Variants in ZFPM2 observed in about 807,000 individuals in gnomAD.
ZFPM2 encodes zinc finger protein, FOG family member 2.
Under a neutral mutation model 98.6 loss-of-function variants are expected in ZFPM2, and 20 were observed. The observed-to-expected ratio is 0.20, with a 90% CI of 0.14 to 0.29. The LOEUF is 0.29. Ranked by LOEUF, ZFPM2 falls within the 10% of genes least tolerant of loss-of-function variation. The pLI is 1.00. For synonymous variants in ZFPM2, 518 were observed against 502.7 expected (o/e 1.03, Z -0.41); for missense variants, 1,310 against 1,388.6 (o/e 0.94, Z 0.90).
At chr8:105,438,066 T>C (rs915266648) in intron 2 of ZFPM2, among the ~76,000 whole-genome samples, 2 of 152,016 alleles carry the variant, frequency 1.3e-5, no homozygotes, top group Non-Finnish European at 2.9e-5. Context: ...ATAATAAAAA[T>C]AAAAAATAAA....
At chr8:105,530,128 A>G (rs551439400) in intron 3 of ZFPM2, among the ~76,000 whole-genome samples, 54 of 152,310 alleles carry the variant, frequency 3.5e-4, no homozygotes, top group African/African-American at 1.2e-3. Flanking sequence ...CAAATGTACT[A>G]TAATTCACAA....
intron 5 of ZFPM2, among the ~76,000 whole-genome samples, chr8:105,785,852 C>T (rs372386525): frequency 2.6e-5 from 4 of 152,018 alleles, no homozygotes; most frequent in African/African-American, 9.7e-5. Flanking sequence ...ACCATCCTGG[C>T]TAACACGGTG....
chr8:105,659,322 T>C (rs1433840505), intron 5 of ZFPM2, among the ~76,000 whole-genome samples: 1 of 152,200 alleles, frequency 6.6e-6, no homozygotes, highest in African/African-American at 2.4e-5. Flanking sequence ...AGCAATTGGC[T>C]GTTATGCCCT....
At chr8:105,511,553 G>T (rs1204322664) in intron 3 of ZFPM2, among the ~76,000 whole-genome samples, 1 of 152,126 alleles carries the variant, frequency 6.6e-6, no homozygotes, top group Non-Finnish European at 1.5e-5. Context: ...TCTGTTAAAT[G>T]GACAGAATTA....
At chr8:105,441,482 G>GAAAGAAAGAAAGAAAGAAAGAAAGAAAA (rs57419492) in intron 2 of ZFPM2, among the ~76,000 whole-genome samples, 1,197 of 85,410 alleles carry the variant, frequency 0.014, 155 homozygotes, top group Non-Finnish European at 0.015. Flanking sequence ...AAGAAAGAAA[G>GAAAGAAAGAAAGAAAGAAAGAAAGAAAA]AAAGAAAGAA....
At chr8:105,547,368 C>T (rs1289785539) in intron 3 of ZFPM2, among the ~76,000 whole-genome samples, 3 of 151,400 alleles carry the variant, frequency 2.0e-5, no homozygotes, top group Non-Finnish European at 2.9e-5. Flanking sequence ...CATGGTGAAA[C>T]CCTGTCTCTA....
intron 1 of ZFPM2, chr8:105,418,459 T>A (rs1473089531): frequency 2.1e-6 from 1 of 465,396 alleles, no homozygotes. Context: ...CACCTCACTC[T>A]CATTCTCTCC....
chr8:105,362,790 G>A (rs1810433537), intron 1 of ZFPM2, among the ~76,000 whole-genome samples: 1 of 152,060 alleles, frequency 6.6e-6, no homozygotes, highest in African/African-American at 2.4e-5. Context: ...TAAATTTGTT[G>A]CATGTTACTG....
intron 5 of ZFPM2, among the ~76,000 whole-genome samples, chr8:105,656,477 C>T (rs1403348658): frequency 6.6e-6 from 1 of 152,118 alleles, no homozygotes; most frequent in Non-Finnish European, 1.5e-5. Flanking sequence ...GTCACTGTCT[C>T]CCCCCACCAA....
chr8:105,327,524 G>T (rs1466445639), intron 1 of ZFPM2, among the ~76,000 whole-genome samples: 1 of 151,506 alleles, frequency 6.6e-6, no homozygotes, highest in Non-Finnish European at 1.5e-5. Context: ...GTGAATTGAC[G>T]AGTCTTCAAG....
At chr8:105,564,059 A>AT (rs567877263) in intron 4 of ZFPM2, among the ~76,000 whole-genome samples, 17 of 152,088 alleles carry the variant, frequency 1.1e-4, no homozygotes, top group African/African-American at 3.9e-4. Context: ...AGAAAGTTTG[A>AT]TTTTTTTATT....
intron 3 of ZFPM2, among the ~76,000 whole-genome samples, chr8:105,502,357 G>A (rs927645531): frequency 5.3e-5 from 8 of 152,126 alleles, no homozygotes; most frequent in African/African-American, 1.9e-4. Context: ...TGTAGAAATT[G>A]AAGATAAGCA....
intron 3 of ZFPM2, among the ~76,000 whole-genome samples, chr8:105,474,208 T>G (rs1812968648): frequency 6.6e-6 from 1 of 152,238 alleles, no homozygotes; most frequent in Non-Finnish European, 1.5e-5. Flanking sequence ...GCTCTGTTTT[T>G]ATATCTGAAA....
intron 1 of ZFPM2, among the ~76,000 whole-genome samples, chr8:105,369,853 T>C (rs1313703064): frequency 6.6e-6 from 1 of 152,138 alleles, no homozygotes; most frequent in Non-Finnish European, 1.5e-5. Context: ...CAAGAGCTTA[T>C]AATGTTAGAA....
rs1024689383 is a variant in ZFPM2, at chr8:105,481,029, C to T, written c.301+36648C>T. ...CCTCCCAAAGTGCTGGGATTACAGGCGTGAGCCACCATGCCTGGCTGGGAT... is the reference window on the plus strand; with the variant it reads ...CCTCCCAAAGTGCTGGGATTACAGGTGTGAGCCACCATGCCTGGCTGGGAT... On this transcript the variant is annotated intron_variant, in intron 3 of 7. Transcript: ENST00000407775. 9.9e-5 allele frequency among the ~76,000 whole-genome samples: 15 copies of T among 152,104 alleles called. 1 individual carries two copies. Among genetic ancestry groups the T allele is most frequent in the East Asian group, 1.9e-4 (1 of 5,184 alleles).
At chr8:105,396,586 G>T (rs1811222589) in intron 1 of ZFPM2, among the ~76,000 whole-genome samples, 1 of 152,192 alleles carries the variant, frequency 6.6e-6, no homozygotes, top group African/African-American at 2.4e-5. Flanking sequence ...TAGGAATGAA[G>T]ATTGGTTCAG....
chr8:105,328,030 T>C (rs1812146602), intron 1 of ZFPM2, among the ~76,000 whole-genome samples: 1 of 151,802 alleles, frequency 6.6e-6, no homozygotes, highest in African/African-American at 2.4e-5. Context: ...TGCGAATCAT[T>C]TGGAATGATG....
intron 3 of ZFPM2, among the ~76,000 whole-genome samples, chr8:105,514,827 C>CT (rs1357843236): frequency 6.6e-6 from 1 of 152,082 alleles, no homozygotes; most frequent in Non-Finnish European, 1.5e-5. Flanking sequence ...AGACTCAAAG[C>CT]TTTTTTTGGT....
intron 5 of ZFPM2, among the ~76,000 whole-genome samples, chr8:105,658,371 G>A (rs1817324949): frequency 9.1e-6 from 1 of 109,804 alleles, no homozygotes; most frequent in South Asian, 2.6e-4. Flanking sequence ...GGTGGATCAC[G>A]AGGTCAGGAG....
Sources: gnomAD v4.1 joint callset for allele counts (sites outside exome capture counted in the v4.1 genomes callset) on GRCh38, gnomAD v4.1.1 for gene constraint, MANE v1.5 for transcripts, NCBI Gene and HGNC (gene_info 2026-07-23, HGNC 2026-07-21) for gene names.